The following RESF1 variants were observed in gnomAD, a reference collection of about 807,000 sequenced individuals.
RESF1 encodes the protein retroelement silencing factor 1, also known as gonad expressed transcript.
Under a neutral mutation model 134.7 loss-of-function variants are expected in RESF1, and 65 were observed. That is an observed-to-expected ratio of 0.48 (90% CI 0.40 to 0.59). The LOEUF is 0.59. RESF1 is among the 20% of genes least tolerant of loss of function. The pLI, the probability that RESF1 is intolerant of heterozygous loss-of-function variation, is 0.00. For missense variants in RESF1, 2,274 were observed against 2,002.7 expected (o/e 1.14, Z -2.59); for synonymous variants, 762 against 702.2 (o/e 1.09, Z -1.35).
At chr12:31,968,049 C>T (rs1939436993) in intron 2 of RESF1, among the ~76,000 whole-genome samples, 1 of 152,142 alleles carries the variant, frequency 6.6e-6, no homozygotes, top group African/African-American at 2.4e-5. Flanking sequence ...TGGCTTTTTA[C>T]ACTGAATTGT....
Position 31,992,712 on chromosome 12 carries a change from A to G in RESF1, c.*177A>G, listed in dbSNP as rs563258674. On this transcript the variant is annotated 3_prime_UTR_variant, in exon 6 of 6. Transcript: ENST00000312561. The stretch of plus-strand genomic sequence containing the variant: ...AATGGCTTGAGAACTTTGGGTAGCC[A>G]TGTGTAAGAAATGGATGGTATTCAC... 3.1e-6 allele frequency: 2 copies of G among 640,472 alleles called. No homozygotes were observed. The highest frequency in any genetic ancestry group is 5.5e-6 in the Non-Finnish European group (2 of 365,488). The allele number at this position is 640,472 out of a possible 1,614,324, so 39.7% of individuals were successfully genotyped here.
intron 3 of RESF1, among the ~76,000 whole-genome samples, chr12:31,972,403 G>A (rs563061888): frequency 5.9e-5 from 9 of 151,888 alleles, no homozygotes; most frequent in East Asian, 5.8e-4. Context: ...TCAGGAGATC[G>A]AGACCATCCT....
rs550233241 is a variant in RESF1 at position 31,984,673 on chromosome 12, A to G, written c.3718A>G (p.Thr1240Ala). ...QFKSLVNNPK[T>A]PPDGKSHFPE... is the part of the protein sequence containing the mutation. Reference sequence around the variant, plus strand: ...TAAGAGCCTTGTAAATAATCCAAAGACTCCTCCAGATGGGAAAAGTCATTT... The same window carrying G: ...TAAGAGCCTTGTAAATAATCCAAAGGCTCCTCCAGATGGGAAAAGTCATTT... The change falls in exon 4 of 6, where the codon ACT (threonine) becomes GCT (alanine). Residue 1240 changes from threonine (T) to alanine (A), a missense_variant. Physicochemically the swap from Thr to Ala is moderately conservative, Grantham distance 58. Transcript: ENST00000312561. The G allele has an allele frequency of 4.4e-6, 7 of 1,584,666 alleles. No individual in the cohort carries two copies. In the East Asian group the frequency reaches 1.1e-4, roughly 25 times the overall value.
chr12:31,978,570 G>T (rs533894034), intron 3 of RESF1, among the ~76,000 whole-genome samples: 1 of 151,252 alleles, frequency 6.6e-6, no homozygotes, highest in East Asian at 1.9e-4. Flanking sequence ...GTTTTGAGAC[G>T]GGCTCTCGCT....
chr12:31,979,185 G>T (rs1191562810), intron 3 of RESF1, among the ~76,000 whole-genome samples: 2 of 152,182 alleles, frequency 1.3e-5, no homozygotes, highest in Non-Finnish European at 2.9e-5. Flanking sequence ...CTCCCAAAAT[G>T]CTGGGATTAC....
Position 31,992,379 on chromosome 12 carries a change from T to C in RESF1, c.5088T>C (p.Asp1696=), listed in dbSNP as rs1940111382. The part of the protein sequence containing the change: ...KRTQKDSQER[D]NVNSRLSKRS... ...AAGTAAAGTTTTTATTTCCCTTAGATAATGTTAATTCAAGACTCTCGAAGA... is the reference window on the plus strand; with the variant it reads ...AAGTAAAGTTTTTATTTCCCTTAGACAATGTTAATTCAAGACTCTCGAAGA... The change falls in exon 6 of 6, where the codon GAT becomes GAC. Residue 1696 remains aspartate (D), a splice_region_variant and synonymous_variant. Transcript: ENST00000312561. 2.5e-6 allele frequency: 4 copies of C among 1,607,158 alleles called. No individual in the cohort carries two copies. In the Admixed American group the frequency reaches 6.9e-5, roughly 28 times the overall value.
chr12:31,984,792 T>G lies in RESF1; in HGVS notation c.3837T>G (p.Phe1279Leu). Residue 1279 changes from phenylalanine (F) to leucine (L), a missense_variant, in exon 4 of 6, where the codon TTT becomes TTG. Physicochemically the swap from Phe to Leu is conservative, Grantham distance 22. Transcript: ENST00000312561. Reference sequence around the variant, plus strand: ...AACAAGAATTAGTTGCTGGTCAGTTTTCATCTAAATGTGATAAACTAAATC... The same window carrying G: ...AACAAGAATTAGTTGCTGGTCAGTTGTCATCTAAATGTGATAAACTAAATC... ...RTEQELVAGQ[F>L]SSKCDKLNPL... is the part of the protein sequence containing the mutation. 6 of 1,611,454 alleles carry G rather than the reference T, an allele frequency of 3.7e-6. No homozygotes were observed. Among genetic ancestry groups the G allele is most frequent in the Non-Finnish European group, 5.1e-6 (6 of 1,179,494 alleles).
Position 31,970,247 on chromosome 12 carries a change from A to G in RESF1, c.-188A>G, listed in dbSNP as rs983377147. The G allele has an allele frequency of 1.3e-5, 2 of 152,210 alleles. No individual in the cohort carries two copies. The highest frequency in any genetic ancestry group is 4.8e-5 in the African/African-American group (2 of 41,456). 9.4% of individuals were successfully genotyped at this position (152,210 alleles called of 1,614,324 possible). On this transcript the variant is annotated 5_prime_UTR_variant, in exon 3 of 6. Transcript: ENST00000312561. ...TTAATTTTTGCAATTCACAACTTCAAGAATACTTGGACTATTGGATTCAAT... is the reference window on the plus strand; with the variant it reads ...TTAATTTTTGCAATTCACAACTTCAGGAATACTTGGACTATTGGATTCAAT...
Position 31,984,714 on chromosome 12 carries a change from C to A in RESF1, c.3759C>A (p.Asp1253Glu), listed in dbSNP as rs150095870. Residue 1253 changes from aspartate (D) to glutamate (E), a missense_variant, in exon 4 of 6, where the codon GAC becomes GAA. Transcript: ENST00000312561. ...DGKSHFPELQ[D>E]DSRKDTPKTK... is the part of the protein sequence containing the mutation. ...AAAGTCATTTTCCTGAACTACAAGA[C>A]GACAGTAGAAAAGATACACCCAAAA... The A allele has an allele frequency of 1.2e-6, 2 of 1,600,482 alleles. No individual in the cohort carries two copies.
chr12:31,970,917 A>T (rs1939492391), intron 3 of RESF1, among the ~76,000 whole-genome samples: 3 of 152,182 alleles, frequency 2.0e-5, no homozygotes, highest in Non-Finnish European at 2.9e-5. Flanking sequence ...CGGACTCCAG[A>T]ACACTTTGAA....
intron 3 of RESF1, among the ~76,000 whole-genome samples, chr12:31,980,115 T>TCC (rs1222144939): frequency 1.4e-5 from 2 of 145,408 alleles, no homozygotes; most frequent in Non-Finnish European, 3.0e-5. Context: ...TTCCTTTTTT[T>TCC]TTTTTTTTTT....
At position 31,985,508 on chromosome 12, in the gene RESF1, A is replaced by G. The variant is rs780654573; in HGVS notation, c.4553A>G (p.Asn1518Ser). The G allele has an allele frequency of 1.1e-5, 18 of 1,602,414 alleles. No individual in the cohort carries two copies. The African/African-American group carries it at 2.2e-4, about 19-fold the overall frequency. ...SLNGLTSHGK[N>S]LKIHHSQESK... ...AATGGCTTGACAAGCCATGGTAAAA[A>G]CCTCAAAATCCACCATTCTCAGGAG... Residue 1518 changes from asparagine to serine, a missense_variant, in exon 4 of 6, where the codon AAC becomes AGC. Coordinates refer to ENST00000312561, the MANE Select transcript of RESF1 (RefSeq NM_018169.4).
intron 3 of RESF1, among the ~76,000 whole-genome samples, chr12:31,978,921 ATTTT>A (rs368667477): frequency 7.7e-6 from 1 of 129,066 alleles, no homozygotes. Flanking sequence ...TGATCTCATG[ATTTT>A]TTTTTTTTTT....
chr12:31,983,509 C>T lies in RESF1; in HGVS notation c.2554C>T (p.Pro852Ser). 16 of 1,614,056 alleles carry T rather than the reference C, an allele frequency of 9.9e-6. No homozygotes were observed. Among genetic ancestry groups the T allele is most frequent in the Non-Finnish European group, 1.4e-5 (16 of 1,179,988 alleles). The change falls in exon 4 of 6, where the codon CCT (proline) becomes TCT (serine). Residue 852 changes from proline (P) to serine (S), a missense_variant. Transcript: ENST00000312561. ...AACTAATGGTAATTCAGAAGTCACACCTAATGTCAATCAAGGAAAGCATAA... is the reference window on the plus strand; with the variant it reads ...AACTAATGGTAATTCAGAAGTCACATCTAATGTCAATCAAGGAAAGCATAA... ...ESTNGNSEVT[P>S]NVNQGKHNKL... is the part of the protein sequence containing the mutation.
rs79108287 is a variant in RESF1, at chr12:31,992,722, A to G, written c.*187A>G. On this transcript the variant is annotated 3_prime_UTR_variant, in exon 6 of 6. Coordinates refer to ENST00000312561, the MANE Select transcript of RESF1 (RefSeq NM_018169.4). ...GAACTTTGGGTAGCCATGTGTAAGA[A>G]ATGGATGGTATTCACCGGGGAAACA... The G allele has an allele frequency of 0.054, 32,864 of 610,248 alleles. 1,185 individuals carry two copies. The highest frequency in any genetic ancestry group is 0.13 in the African/African-American group (6,889 of 53,796). The allele number at this position is 610,248 out of a possible 1,614,324, so 37.8% of individuals were successfully genotyped here.
At position 31,982,704 on chromosome 12, in the gene RESF1, ACTT is replaced by A. The variant is rs765800273; in HGVS notation, c.1752_1754del (p.Leu585del). 24 of 1,613,976 alleles carry A rather than the reference ACTT, an allele frequency of 1.5e-5. No individual in the cohort carries two copies. The highest frequency in any genetic ancestry group is 2.0e-5 in the Non-Finnish European group (24 of 1,179,864). On this transcript the variant is annotated inframe_deletion, in exon 4 of 6. Coordinates refer to ENST00000312561, the MANE Select transcript of RESF1 (RefSeq NM_018169.4). ...CAAAAATTCAAAATGAAAATATGCT[ACTT>A]CTCGCTTTGCTTTCACAGGCACGTA...
Position 31,985,819 on chromosome 12 carries a change from C to T in RESF1, c.4864C>T (p.Pro1622Ser). 1.3e-6 allele frequency: 2 copies of T among 1,565,770 alleles called. No homozygotes were observed. The highest frequency in any genetic ancestry group is 1.7e-6 in the Non-Finnish European group (2 of 1,164,100). Residue 1622 changes from proline (P) to serine (S), a missense_variant, in exon 4 of 6, where the codon CCG becomes TCG. Coordinates refer to ENST00000312561, the MANE Select transcript of RESF1 (RefSeq NM_018169.4). ...RQENKHKTFL[P>S]VKGNTEKSNM... Reference sequence around the variant, plus strand: ...GGAAAATAAACATAAGACCTTTTTACCGGTGAAAGGTAACACAGAAAAATC... The same window carrying T: ...GGAAAATAAACATAAGACCTTTTTATCGGTGAAAGGTAACACAGAAAAATC...
intron 2 of RESF1, among the ~76,000 whole-genome samples, chr12:31,968,335 A>G (rs927166512): frequency 4.6e-5 from 7 of 152,196 alleles, no homozygotes; most frequent in African/African-American, 1.4e-4. Context: ...TACGTCTTTT[A>G]GGTACTGAAA....
Position 31,982,716 on chromosome 12 carries a change from GCTTTCACAGGCA to G in RESF1, c.1763_1774del (p.Leu588_Ala591del). The stretch of plus-strand genomic sequence containing the variant: ...ATGAAAATATGCTACTTCTCGCTTT[GCTTTCACAGGCA>G]CGTAAGACTCAGAAGACAGTATTAA... On this transcript the variant is annotated inframe_deletion, in exon 4 of 6. Coordinates refer to ENST00000312561, the MANE Select transcript of RESF1 (RefSeq NM_018169.4). 1.2e-6 allele frequency: 2 copies of G among 1,613,838 alleles called. No homozygotes were observed. Among genetic ancestry groups the G allele is most frequent in the Non-Finnish European group, 1.7e-6 (2 of 1,179,806 alleles).
Sources: allele counts gnomAD v4.1 joint callset (sites outside exome capture counted in the v4.1 genomes callset), GRCh38; gene constraint gnomAD v4.1.1; transcripts MANE v1.5; gene names NCBI Gene and HGNC (gene_info 2026-07-23, HGNC 2026-07-21).